DNAH11: variants seen among roughly 807,000 people sequenced by gnomAD.
The protein encoded by DNAH11 is dynein axonemal heavy chain 11, also known as axonemal beta dynein heavy chain 11.
In DNAH11, 442 loss-of-function variants were observed where a neutral mutation model predicts 526.0. The ratio of observed to expected loss-of-function variants is 0.84; its 90% CI spans 0.78 to 0.91. The LOEUF (loss-of-function observed/expected upper bound fraction) is 0.91. Ranked by LOEUF, DNAH11 falls within the 40% of genes least tolerant of loss-of-function variation. The pLI is 0.00. For synonymous variants in DNAH11, 2,461 were observed against 1,935.9 expected (o/e 1.27, Z -7.12); for missense variants, 6,989 against 5,448.7 (o/e 1.28, Z -8.90).
intron 56 of DNAH11, among the ~76,000 whole-genome samples, chr7:21,776,935 CGTGTGTGT>C (rs3061429): frequency 4.7e-5 from 7 of 149,788 alleles, no homozygotes; most frequent in South Asian, 2.1e-4. Context: ...TTTATTTGTA[CGTGTGTGT>C]GTGTGTGTGT....
chr7:21,860,568 A>G (rs1488174368), intron 68 of DNAH11, among the ~76,000 whole-genome samples: 1 of 152,228 alleles, frequency 6.6e-6, no homozygotes, highest in Non-Finnish European at 1.5e-5. Flanking sequence ...GGATGAATAG[A>G]TGAATCAAAT....
Position 21,725,177 on chromosome 7 carries a change from T to C in DNAH11, c.7267-634T>C, listed in dbSNP as rs78897404. Among the ~76,000 whole-genome samples, 1,112 of 152,306 alleles carry C rather than the reference T, an allele frequency of 7.3e-3. 12 individuals are homozygous for C. Among genetic ancestry groups the C allele is most frequent in the African/African-American group, 0.024 (985 of 41,554 alleles). ...TCTGGAGGCTGAAAGTTGATCCCTATGCAGTTTTCAGCTGGACCCCTTAGA... is the reference window on the plus strand; with the variant it reads ...TCTGGAGGCTGAAAGTTGATCCCTACGCAGTTTTCAGCTGGACCCCTTAGA... On this transcript the variant is annotated intron_variant, in intron 44 of 81. Transcript: ENST00000409508.
intron 26 of DNAH11, 25 bp from the exon 27 acceptor site, chr7:21,637,586 G>C: frequency 7.1e-7 from 1 of 1,400,488 alleles, no homozygotes; most frequent in Non-Finnish European, 9.9e-7. Context: ...TAATATCCAC[G>C]GCCCCGTATT....
chr7:21,604,455 A>G (rs1394084226), intron 18 of DNAH11, among the ~76,000 whole-genome samples: 1 of 152,136 alleles, frequency 6.6e-6, no homozygotes, highest in Admixed American at 6.5e-5. Flanking sequence ...AGAAACCTTC[A>G]TTAACTGCCC....
Position 21,765,579 on chromosome 7 carries a change from A to G in DNAH11, c.9092A>G (p.Lys3031Arg). 1 of 1,559,536 alleles carries G rather than the reference A, an allele frequency of 6.4e-7. No homozygotes were observed. Among genetic ancestry groups the G allele is most frequent in the Non-Finnish European group, 8.7e-7 (1 of 1,143,606 alleles). The change falls in exon 55 of 82, where the codon AAG becomes AGG. Residue 3031 changes from lysine (K) to arginine (R), a missense_variant. Coordinates refer to ENST00000409508, the MANE Select transcript of DNAH11 (RefSeq NM_001277115.2). ...AGCAGGAGGTTCATTGAGGAAACCA[A>G]GGGAATTGAGGTATGCCGTGTCAGC... Reference protein sequence around the residue: ...SVSRRFIEETKGIEPVHKDSI... With the variant: ...SVSRRFIEETRGIEPVHKDSI...
intron 6 of DNAH11, among the ~76,000 whole-genome samples, chr7:21,568,053 C>T (rs556373059): frequency 2.0e-5 from 3 of 152,268 alleles, no homozygotes; most frequent in African/African-American, 7.2e-5. Flanking sequence ...TGGAGTGGAG[C>T]TGTCAGGACT....
At chr7:21,714,764 C>G (rs375700852) in intron 42 of DNAH11, among the ~76,000 whole-genome samples, 3 of 152,174 alleles carry the variant, frequency 2.0e-5, no homozygotes. Context: ...CTTTCTCTCT[C>G]TCTCTTTCTC....
At chr7:21,743,121 T>A (rs1379632193) in intron 49 of DNAH11, among the ~76,000 whole-genome samples, 1 of 152,148 alleles carries the variant, frequency 6.6e-6, no homozygotes, top group Non-Finnish European at 1.5e-5. Context: ...TTTCAAGACA[T>A]GAATTGTAGG....
At chr7:21,654,950 G>T (rs973840254) in intron 28 of DNAH11, among the ~76,000 whole-genome samples, 1 of 152,176 alleles carries the variant, frequency 6.6e-6, no homozygotes, top group African/African-American at 2.4e-5. Context: ...AGATGAATAA[G>T]TGTTGTTCAT....
chr7:21,892,043 C>A (rs902637319), intron 76 of DNAH11, among the ~76,000 whole-genome samples: 9 of 152,142 alleles, frequency 5.9e-5, no homozygotes, highest in African/African-American at 2.2e-4. Flanking sequence ...TCTACCTCAG[C>A]AAATTCACAT....
Position 21,901,401 on chromosome 7 carries a change from A to G in DNAH11, c.*147A>G, listed in dbSNP as rs1227085869. 2 of 1,167,646 alleles carry G rather than the reference A, an allele frequency of 1.7e-6. No individual in the cohort carries two copies. Among genetic ancestry groups the G allele is most frequent in the African/African-American group, 1.6e-5 (1 of 63,496 alleles). The allele number at this position is 1,167,646 out of a possible 1,614,324, so 72.3% of individuals were successfully genotyped here. On this transcript the variant is annotated 3_prime_UTR_variant, in exon 82 of 82. Coordinates refer to ENST00000409508, the MANE Select transcript of DNAH11 (RefSeq NM_001277115.2). ...CAACGCTATCCTTAGAGTGAAAGTC[A>G]GAAAAAAATACTAGAAACTAACTCA...
In DNAH11 at chr7:21,750,304, G is replaced by T; in HGVS notation, c.8880G>T (p.Met2960Ile). The change falls in exon 54 of 82, where the codon ATG (methionine) becomes ATT (isoleucine). Residue 2960 changes from methionine (M) to isoleucine (I), a missense_variant. Met to Ile is a conservative substitution (Grantham distance 10). Coordinates refer to ENST00000409508, the MANE Select transcript of DNAH11 (RefSeq NM_001277115.2). ...ATAATGAAGTTCATGCTCTGGGCAT[G>T]GTAGACTCCAGGGAAAACTGTTGGA... ...GIHNEVHALG[M>I]VDSRENCWKF... The T allele has an allele frequency of 6.2e-7, 1 of 1,605,822 alleles. No homozygotes were observed. Among genetic ancestry groups the T allele is most frequent in the Non-Finnish European group, 8.5e-7 (1 of 1,176,000 alleles).
At chr7:21,602,211 G>C (rs1225868911) in intron 18 of DNAH11, among the ~76,000 whole-genome samples, 1 of 151,964 alleles carries the variant, frequency 6.6e-6, no homozygotes, top group Non-Finnish European at 1.5e-5. Flanking sequence ...ATGGTGGCAC[G>C]CACCTGTAGT....
rs753669289 is a variant in DNAH11 at position 21,894,638 on chromosome 7, G to C, written c.12766G>C (p.Asp4256His). The C allele has an allele frequency of 3.1e-6, 5 of 1,613,522 alleles. No individual in the cohort carries two copies. The South Asian group carries it at 5.5e-5, about 18-fold the overall frequency. The change falls in exon 78 of 82, where the codon GAT becomes CAT. Residue 4256 changes from aspartate to histidine, a missense_variant. By Grantham distance (81) the Asp-to-His change is moderately conservative. Coordinates refer to ENST00000409508, the MANE Select transcript of DNAH11 (RefSeq NM_001277115.2). Reference protein sequence around the residue: ...STEEKVKNVLDDILEKLPEEF... With the variant: ...STEEKVKNVLHDILEKLPEEF... ...CTGATTTAAGGTTAAGAATGTCTTGGATGACATTTTGGAGAAACTTCCAGA... is the reference window on the plus strand; with the variant it reads ...CTGATTTAAGGTTAAGAATGTCTTGCATGACATTTTGGAGAAACTTCCAGA...
chr7:21,787,312 G>T, intron 59 of DNAH11, 89 bp from the exon 60 acceptor site: 2 of 1,343,044 alleles, frequency 1.5e-6, no homozygotes, highest in Non-Finnish European at 2.0e-6. Context: ...TTTGTAATGT[G>T]AGTCCTAAAA....
intron 42 of DNAH11, among the ~76,000 whole-genome samples, chr7:21,716,231 G>T (rs183258817): frequency 3.9e-5 from 6 of 152,204 alleles, no homozygotes; most frequent in Admixed American, 3.3e-4. Context: ...CAACTCTTGT[G>T]CCCAATAGGA....
At chr7:21,850,533 T>C (rs900498482) in intron 66 of DNAH11, among the ~76,000 whole-genome samples, 4 of 146,488 alleles carry the variant, frequency 2.7e-5, no homozygotes, top group Admixed American at 2.0e-4. Context: ...GTAGTTATTT[T>C]TAACTCCCAG....
intron 45 of DNAH11, among the ~76,000 whole-genome samples, chr7:21,727,498 C>G (rs1469733539): frequency 1.3e-5 from 2 of 152,192 alleles, no homozygotes; most frequent in African/African-American, 4.8e-5. Flanking sequence ...GCTAATGATC[C>G]AAATGAACCT....
rs1276330738 is a variant in DNAH11 at position 21,856,189 on chromosome 7, G to A, written c.11202+1734G>A. 2.6e-5 allele frequency among the ~76,000 whole-genome samples: 4 copies of A among 152,080 alleles called. No individual in the cohort carries two copies. The South Asian group carries it at 8.3e-4, about 32-fold the overall frequency. On this transcript the variant is annotated intron_variant, in intron 68 of 81. Transcript: ENST00000409508. Reference sequence around the variant, plus strand: ...TAGACCACTGTGTGTGGAATTTGGGGATTATAATCTGTGTGCAACAAGAAG... The same window carrying A: ...TAGACCACTGTGTGTGGAATTTGGGAATTATAATCTGTGTGCAACAAGAAG...
Sources: gnomAD v4.1 joint callset for allele counts (sites outside exome capture counted in the v4.1 genomes callset) on GRCh38, gnomAD v4.1.1 for gene constraint, MANE v1.5 for transcripts, NCBI Gene and HGNC (gene_info 2026-07-23, HGNC 2026-07-21) for gene names.